The following NCKAP5 variants were observed in gnomAD, a reference collection of about 807,000 sequenced individuals.
NCKAP5 encodes nck-associated protein 5.
Under a neutral mutation model 167.0 loss-of-function variants are expected in NCKAP5, and 92 were observed. That is an observed-to-expected ratio of 0.55 (90% CI 0.47 to 0.66). The LOEUF (loss-of-function observed/expected upper bound fraction) is 0.66. Ranked by LOEUF, NCKAP5 falls within the 30% of genes least tolerant of loss-of-function variation. The pLI, the probability that NCKAP5 is intolerant of heterozygous loss-of-function variation, is 0.00. For missense variants in NCKAP5, 2,378 were observed against 2,315.0 expected (o/e 1.03, Z -0.56); for synonymous variants, 891 against 877.4 (o/e 1.02, Z -0.27).
chr2:133,241,497 C>T (rs2150299597), intron 4 of NCKAP5, among the ~76,000 whole-genome samples: 1 of 152,322 alleles, frequency 6.6e-6, no homozygotes, highest in African/African-American at 2.4e-5. Flanking sequence ...TAGTACTTAG[C>T]AATGAATGCA....
intron 2 of NCKAP5, among the ~76,000 whole-genome samples, chr2:133,538,187 C>A (rs1685905440): frequency 6.6e-6 from 1 of 152,134 alleles, no homozygotes; most frequent in South Asian, 2.1e-4. Context: ...TCTACTATTG[C>A]CTTTTAAAAT....
chr2:132,998,850 T>C (rs142600488), intron 6 of NCKAP5, among the ~76,000 whole-genome samples: 25 of 152,242 alleles, frequency 1.6e-4, no homozygotes, highest in African/African-American at 5.8e-4. Flanking sequence ...TGGGCAGAGT[T>C]TTGTGTGTTT....
At chr2:133,437,342 G>T (rs1690553376) in intron 3 of NCKAP5, among the ~76,000 whole-genome samples, 2 of 146,410 alleles carry the variant, frequency 1.4e-5, no homozygotes, top group Admixed American at 1.3e-4. Flanking sequence ...GACAGTGCGA[G>T]ACTCTGTCTC....
Position 133,327,146 on chromosome 2 carries a change from G to A in NCKAP5, c.70-24036C>T, listed in dbSNP as rs183560428. 8.5e-4 allele frequency among the ~76,000 whole-genome samples: 130 copies of A among 152,286 alleles called. No individual in the cohort carries two copies. In the Middle Eastern group the frequency reaches 0.01, roughly 12 times the overall value. On this transcript the variant is annotated intron_variant, in intron 3 of 19. Coordinates refer to ENST00000409261, the MANE Select transcript of NCKAP5 (RefSeq NM_207363.3). ...TACAGCCAGCCCAGGTGGTTCTTCT[G>A]GATGGGCAAACAGAGGAAACACTGG...
chr2:133,297,207 G>A (rs1322005199), intron 4 of NCKAP5, among the ~76,000 whole-genome samples: 1 of 147,974 alleles, frequency 6.8e-6, no homozygotes, highest in East Asian at 1.9e-4. Context: ...GTGTGTGTGT[G>A]TGTTTTAAAT....
intron 6 of NCKAP5, among the ~76,000 whole-genome samples, chr2:133,105,999 C>G (rs891401809): frequency 1.3e-5 from 2 of 151,982 alleles, no homozygotes; most frequent in African/African-American, 4.8e-5. Flanking sequence ...CTACCTAAAC[C>G]CGTCCCTCCT....
the NCKAP5 span, among the ~76,000 whole-genome samples, chr2:133,589,034 CA>C: frequency 1.6e-4 from 25 of 152,268 alleles, no homozygotes; most frequent in African/African-American, 6.0e-4. Context: ...GCTTGGACTC[CA>C]AGTAAGATGT....
At chr2:133,140,325 A>G (rs1265613248) in intron 5 of NCKAP5, among the ~76,000 whole-genome samples, 2 of 152,126 alleles carry the variant, frequency 1.3e-5, no homozygotes, top group East Asian at 3.9e-4. Flanking sequence ...CCTGAACCAC[A>G]TGTGCACTTT....
intron 11 of NCKAP5, among the ~76,000 whole-genome samples, chr2:132,837,442 G>T (rs1687971433): frequency 2.0e-5 from 3 of 151,740 alleles, no homozygotes; most frequent in Admixed American, 2.0e-4. Context: ...TTAACTTACT[G>T]GGAAATTACC....
intron 8 of NCKAP5, among the ~76,000 whole-genome samples, chr2:132,917,724 C>T (rs1443599158): frequency 6.6e-6 from 1 of 152,144 alleles, no homozygotes. Context: ...CTCCCATGAG[C>T]TCTTTATTGA....
chr2:133,205,700 A>G (rs1015723542), intron 5 of NCKAP5, among the ~76,000 whole-genome samples: 2 of 152,184 alleles, frequency 1.3e-5, no homozygotes, highest in African/African-American at 4.8e-5. Context: ...AGCATAAATC[A>G]TTTGGGGGTA....
At chr2:133,602,132 C>T in the NCKAP5 span, among the ~76,000 whole-genome samples, 4 of 152,244 alleles carry the variant, frequency 2.6e-5, no homozygotes, top group African/African-American at 9.6e-5. Context: ...GGAAGTGCCT[C>T]GAGGATGCTG....
chr2:132,909,466 T>G (rs534287195), intron 8 of NCKAP5, among the ~76,000 whole-genome samples: 1 of 152,364 alleles, frequency 6.6e-6, no homozygotes, highest in African/African-American at 2.4e-5. Flanking sequence ...CTCAAATTTC[T>G]TATGCTAGGG....
intron 8 of NCKAP5, among the ~76,000 whole-genome samples, chr2:132,894,870 C>A (rs902130836): frequency 6.6e-6 from 1 of 152,052 alleles, no homozygotes; most frequent in Admixed American, 6.5e-5. Context: ...AGGAGGCTCG[C>A]AGCCTCCTGC....
At chr2:132,875,636 T>C (rs1691205042) in intron 9 of NCKAP5, among the ~76,000 whole-genome samples, 1 of 152,226 alleles carries the variant, frequency 6.6e-6, no homozygotes, top group Non-Finnish European at 1.5e-5. Flanking sequence ...ATGGGAATAG[T>C]AGGTATGAAA....
At chr2:133,674,820 C>T in the NCKAP5 span, among the ~76,000 whole-genome samples, 1 of 152,204 alleles carries the variant, frequency 6.6e-6, no homozygotes, top group Admixed American at 6.5e-5. Context: ...CACTGGTTTC[C>T]CCAGGCCGGG....
intron 6 of NCKAP5, among the ~76,000 whole-genome samples, chr2:133,015,686 T>G (rs2149375508): frequency 6.6e-6 from 1 of 152,298 alleles, no homozygotes; most frequent in Middle Eastern, 3.4e-3. Context: ...CTTAACATTG[T>G]TGGGTGCAAA....
intron 8 of NCKAP5, chr2:132,915,421 C>T (rs1485685469): frequency 6.6e-6 from 1 of 152,078 alleles, no homozygotes; most frequent in Non-Finnish European, 1.5e-5. Flanking sequence ...ACTTTGGGGC[C>T]CAGGAGGGAA....
At chr2:132,942,218 C>G (rs1370799508) in intron 8 of NCKAP5, among the ~76,000 whole-genome samples, 2 of 152,114 alleles carry the variant, frequency 1.3e-5, no homozygotes, top group African/African-American at 4.8e-5. Flanking sequence ...AAACATTAAA[C>G]ATGAAAACAT....
Sources: allele counts gnomAD v4.1 joint callset (sites outside exome capture counted in the v4.1 genomes callset), GRCh38; gene constraint gnomAD v4.1.1; transcripts MANE v1.5; gene names NCBI Gene and HGNC (gene_info 2026-07-23, HGNC 2026-07-21).